Variants in SH3KBP1 observed in about 807,000 individuals in gnomAD.
The protein encoded by SH3KBP1 is SH3 domain-containing kinase-binding protein 1.
SH3KBP1 carries 8 observed loss-of-function variants against 50.1 expected under a neutral mutation model. That is an observed-to-expected ratio of 0.16 (90% CI 0.09 to 0.29). The LOEUF (loss-of-function observed/expected upper bound fraction) is 0.29. SH3KBP1 is among the 10% of genes least tolerant of loss of function. The pLI, the probability that SH3KBP1 is intolerant of heterozygous loss-of-function variation, is 1.00. For synonymous variants in SH3KBP1, 227 were observed against 218.6 expected (o/e 1.04, Z -0.34); for missense variants, 377 against 535.2 (o/e 0.70, Z 2.92).
In SH3KBP1 at chrX:19,569,153, G is replaced by A. The variant is rs199599962; in HGVS notation, c.1334C>T (p.Ser445Leu). ...DSPKIDLAGS[S>L]LSGILDKDLS... ...ATCTTTGTCCAGGATGCCAGATAGC[G>A]AACTGCCGGCCAAGTCAATCTTTGG... is the stretch of plus-strand genomic sequence containing the variant. The change falls in exon 13 of 18, where the codon TCG (serine) becomes TTG (leucine). Residue 445 changes from serine (S) to leucine (L), a missense_variant. By Grantham distance (145) the Ser-to-Leu change is moderately radical. Around this residue, in one of 3 missense-constraint regions of SH3KBP1, gnomAD observed 257 missense variants for 374.2 expected, o/e 0.69. Transcript: ENST00000397821. The A allele has an allele frequency of 1.3e-5, 16 of 1,209,956 alleles. No individual in the cohort carries two copies. Among genetic ancestry groups the A allele is most frequent in the Admixed American group, 1.1e-4 (5 of 45,866 alleles).
chrX:19,795,121 T>C (rs1229990740), intron 2 of SH3KBP1, among the ~76,000 whole-genome samples: 3 of 112,112 alleles, frequency 2.7e-5, no homozygotes, highest in Non-Finnish European at 5.6e-5. Flanking sequence ...TTCATTTCTA[T>C]GCACACCCCA....
intron 1 of SH3KBP1, among the ~76,000 whole-genome samples, chrX:19,840,604 G>C (rs766837498): frequency 8.9e-6 from 1 of 111,909 alleles, no homozygotes; most frequent in Non-Finnish European, 1.9e-5. Context: ...TATATCACAA[G>C]AGCCCAGAAG....
At chrX:19,635,797 A>C (rs1329078579) in intron 7 of SH3KBP1, among the ~76,000 whole-genome samples, 1 of 111,242 alleles carries the variant, frequency 9.0e-6, no homozygotes, top group Non-Finnish European at 1.9e-5. Flanking sequence ...TGGAAGTGAC[A>C]GTCTAATTCT....
At chrX:19,542,841 G>A (rs1264631164) in intron 15 of SH3KBP1, among the ~76,000 whole-genome samples, 2 of 111,793 alleles carry the variant, frequency 1.8e-5, no homozygotes, top group Non-Finnish European at 1.9e-5. Flanking sequence ...CGTCAGAGGG[G>A]GCAAGAGAGG....
At chrX:19,809,608 T>C (rs184774520) in intron 2 of SH3KBP1, among the ~76,000 whole-genome samples, 61 of 112,456 alleles carry the variant, frequency 5.4e-4, no homozygotes, top group African/African-American at 1.9e-3. Context: ...AGAAAACAAA[T>C]GTATCTTAAA....
At chrX:19,547,634 T>C (rs2065124145) in intron 14 of SH3KBP1, among the ~76,000 whole-genome samples, 1 of 112,303 alleles carries the variant, frequency 8.9e-6, no homozygotes, top group Non-Finnish European at 1.9e-5. Flanking sequence ...TCCTTTCATT[T>C]TGAGATTTTA....
intron 15 of SH3KBP1, among the ~76,000 whole-genome samples, chrX:19,543,571 T>C (rs1180732229): frequency 7.2e-5 from 8 of 111,068 alleles, no homozygotes; most frequent in Admixed American, 4.8e-4. Context: ...GGCCTGAAAG[T>C]TTAGGACTCT....
At chrX:19,776,473 T>C (rs922756058) in intron 2 of SH3KBP1, among the ~76,000 whole-genome samples, 23 of 101,330 alleles carry the variant, frequency 2.3e-4, no homozygotes, top group Non-Finnish European at 3.9e-4. Flanking sequence ...CAGAATCCCA[T>C]GGAAAAAATA....
At chrX:19,695,822 T>C (rs2148641563) in intron 4 of SH3KBP1, 81 bp from the exon 5 acceptor site, 1 of 975,577 alleles carries the variant, frequency 1.0e-6, no homozygotes, top group South Asian at 2.2e-5. Flanking sequence ...CCCATATGTA[T>C]AGTGTAGCAT....
At chrX:19,595,730 G>A (rs940709187) in intron 9 of SH3KBP1, among the ~76,000 whole-genome samples, 3 of 110,979 alleles carry the variant, frequency 2.7e-5, no homozygotes, top group African/African-American at 9.9e-5. Context: ...TGCCACCTAG[G>A]ATTGACTGTG....
intron 2 of SH3KBP1, among the ~76,000 whole-genome samples, chrX:19,807,429 T>C (rs187675491): frequency 9.0e-6 from 1 of 111,243 alleles, no homozygotes; most frequent in African/African-American, 3.3e-5. Flanking sequence ...TGGGCAATTA[T>C]GCTTCTTGTT....
chrX:19,739,014 GAAAAAAAA>G (rs1167676836), intron 3 of SH3KBP1, among the ~76,000 whole-genome samples: 1 of 22,463 alleles, frequency 4.5e-5, no homozygotes, highest in East Asian at 1.3e-3. Context: ...CTGCCTCCAA[GAAAAAAAA>G]AAAAAAAAAA....
At chrX:19,742,406 T>C (rs1303825750) in intron 3 of SH3KBP1, among the ~76,000 whole-genome samples, 1 of 111,772 alleles carries the variant, frequency 8.9e-6, no homozygotes, top group African/African-American at 3.3e-5. Context: ...CAGCTTGATT[T>C]TTTTATTTCA....
At chrX:19,665,711 C>G (rs2062581840) in intron 6 of SH3KBP1, among the ~76,000 whole-genome samples, 1 of 111,839 alleles carries the variant, frequency 8.9e-6, no homozygotes, top group African/African-American at 3.2e-5. Flanking sequence ...AAACAGGCTG[C>G]TGACTGACTG....
chrX:19,836,806 G>C (rs1282771236), intron 1 of SH3KBP1, among the ~76,000 whole-genome samples: 1 of 111,924 alleles, frequency 8.9e-6, no homozygotes, highest in Admixed American at 9.5e-5. Flanking sequence ...TGTTGTAGGA[G>C]GGACCCAGTG....
chrX:19,832,786 G>A (rs747897196), intron 2 of SH3KBP1, among the ~76,000 whole-genome samples: 2 of 112,048 alleles, frequency 1.8e-5, no homozygotes, highest in South Asian at 7.5e-4. Flanking sequence ...AGCAGGTGGG[G>A]CAATGCGGAG....
chrX:19,610,925 T>C (rs982571595), intron 8 of SH3KBP1, among the ~76,000 whole-genome samples: 1 of 111,863 alleles, frequency 8.9e-6, no homozygotes, highest in Non-Finnish European at 1.9e-5. Context: ...ACTCTCATTG[T>C]CTAGGCTGGA....
Position 19,695,597 on chromosome X carries a change from G to A in SH3KBP1, c.520+15C>T. ...CCCCCGCCCCTCTCCTGCTTGGTAGGGTAGACTTCCTTACTTGACTTGGAT... is the reference window on the plus strand; with the variant it reads ...CCCCCGCCCCTCTCCTGCTTGGTAGAGTAGACTTCCTTACTTGACTTGGAT... On this transcript the variant is annotated intron_variant, in intron 5 of 17. Transcript: ENST00000397821. 8.3e-7 allele frequency: 1 copy of A among 1,208,704 alleles called. No homozygotes were observed. Among genetic ancestry groups the A allele is most frequent in the South Asian group, 1.8e-5 (1 of 56,736 alleles).
chrX:19,803,412 G>A (rs1310744251), intron 2 of SH3KBP1, among the ~76,000 whole-genome samples: 1 of 111,558 alleles, frequency 9.0e-6, no homozygotes, highest in African/African-American at 3.3e-5. Flanking sequence ...GTCTCGCTAT[G>A]TTGGCCAGGT....
Sources: allele counts gnomAD v4.1 joint callset (sites outside exome capture counted in the v4.1 genomes callset), GRCh38; gene constraint gnomAD v4.1.1; regional missense constraint gnomAD v4.1.1; transcripts MANE v1.5; gene names NCBI Gene and HGNC (gene_info 2026-07-23, HGNC 2026-07-21).